Variants in LAPTM4B observed in about 807,000 individuals in gnomAD.
The protein encoded by LAPTM4B is lysosomal protein transmembrane 4 beta.
LAPTM4B carries 26 observed loss-of-function variants against 28.5 expected under a neutral mutation model. The observed-to-expected ratio is 0.91, with a 90% CI of 0.67 to 1.27. The LOEUF (loss-of-function observed/expected upper bound fraction) is 1.27, where lower values mean the gene tolerates loss of function less well. Among genes scored for constraint, LAPTM4B ranks in the 50% most tolerant of loss-of-function variants. The probability of loss-of-function intolerance (pLI) is 0.00; values close to 1 mark genes in which losing one functional copy is unlikely to be tolerated. For synonymous variants in LAPTM4B, 109 were observed against 106.4 expected (o/e 1.02, Z -0.15); for missense variants, 288 against 285.8 (o/e 1.01, Z -0.06).
chr8:97,826,038 T>G (rs1202126510), intron 6 of LAPTM4B, among the ~76,000 whole-genome samples: 1 of 152,176 alleles, frequency 6.6e-6, no homozygotes, highest in Non-Finnish European at 1.5e-5. Context: ...TTTTTTCTGG[T>G]GACTTGCTCA....
intron 6 of LAPTM4B, among the ~76,000 whole-genome samples, chr8:97,846,257 G>T (rs1311576727): frequency 1.3e-5 from 2 of 151,546 alleles, no homozygotes; most frequent in African/African-American, 4.8e-5. Context: ...AGCAACAGTA[G>T]AATTCTAAAT....
chr8:97,832,690 T>C (rs2512056), intron 6 of LAPTM4B, among the ~76,000 whole-genome samples: 4 of 42,756 alleles, frequency 9.4e-5, no homozygotes, highest in East Asian at 1.1e-3. Flanking sequence ...TATTTTATTT[T>C]ATTTTATTTT....
intron 1 of LAPTM4B, among the ~76,000 whole-genome samples, chr8:97,786,630 C>T (rs757785022): frequency 2.0e-5 from 3 of 148,488 alleles, no homozygotes; most frequent in Non-Finnish European, 3.0e-5. Context: ...ACCTGGGAGG[C>T]GGAGGTTGTG....
At chr8:97,798,245 GCTACCATGGCTAATC>G (rs1452564910) in intron 1 of LAPTM4B, among the ~76,000 whole-genome samples, 1 of 152,120 alleles carries the variant, frequency 6.6e-6, no homozygotes, top group Non-Finnish European at 1.5e-5. Context: ...GGGTTTAGTA[GCTACCATGGCTAATC>G]CTACCCCCAA....
intron 6 of LAPTM4B, among the ~76,000 whole-genome samples, chr8:97,845,072 T>C (rs1563623897): frequency 1.3e-5 from 2 of 152,292 alleles, no homozygotes; most frequent in South Asian, 2.1e-4. Flanking sequence ...TACCTTCATA[T>C]TTAAAAGTAA....
Position 97,803,010 on chromosome 8 carries a change from C to T in LAPTM4B, c.100-2343C>T, listed in dbSNP as rs1563607440. Among the ~76,000 whole-genome samples, 4 of 151,988 alleles carry T rather than the reference C, an allele frequency of 2.6e-5. No homozygotes were observed. The East Asian group carries it at 7.9e-4, about 30-fold the overall frequency. On this transcript the variant is annotated intron_variant, in intron 1 of 6. Coordinates refer to ENST00000521545, the MANE Select transcript of LAPTM4B (RefSeq NM_018407.6). ...GATCAGGAGTTCAAGACCAGCCTGA[C>T]CAAGACGGTGAAACCCCATCTCTAC... is the stretch of plus-strand genomic sequence containing the variant.
chr8:97,779,662 G>A (rs933817479), intron 1 of LAPTM4B, among the ~76,000 whole-genome samples: 2 of 150,496 alleles, frequency 1.3e-5, no homozygotes, highest in African/African-American at 2.5e-5. Context: ...GCATGCGCCT[G>A]TAATCCCAGC....
chr8:97,807,060 C>CTT (rs1001861598), intron 2 of LAPTM4B, among the ~76,000 whole-genome samples: 6 of 152,148 alleles, frequency 3.9e-5, no homozygotes, highest in Non-Finnish European at 8.8e-5. Context: ...AGTTAAACCT[C>CTT]TTTTTCTTCC....
At chr8:97,828,753 A>G (rs149075117) in intron 6 of LAPTM4B, among the ~76,000 whole-genome samples, 22 of 152,198 alleles carry the variant, frequency 1.4e-4, no homozygotes, top group Non-Finnish European at 2.9e-4. Context: ...TATATCGGTA[A>G]GGCTAGCGGA....
chr8:97,849,404 C>A (rs1370660287), intron 6 of LAPTM4B, among the ~76,000 whole-genome samples: 1 of 152,130 alleles, frequency 6.6e-6, no homozygotes, highest in Non-Finnish European at 1.5e-5. Flanking sequence ...TCAGTGGGTG[C>A]TGGTTTGTTG....
At chr8:97,790,854 C>G (rs1262193953) in intron 1 of LAPTM4B, among the ~76,000 whole-genome samples, 1 of 152,330 alleles carries the variant, frequency 6.6e-6, no homozygotes, top group East Asian at 1.9e-4. Context: ...GTTCTCGTGT[C>G]TCAACTTCCC....
chr8:97,797,283 C>T (rs1034640628), intron 1 of LAPTM4B, among the ~76,000 whole-genome samples: 8 of 151,926 alleles, frequency 5.3e-5, no homozygotes, highest in Non-Finnish European at 8.8e-5. Context: ...TACAGACATG[C>T]GCCACCACGC....
rs989718897 is a variant in LAPTM4B, at chr8:97,852,392, A to G, written c.*918A>G. The stretch of plus-strand genomic sequence containing the variant: ...TACATCCTACTGCTTTGAACTTCCA[A>G]GTATGTCTAGTCACCTTTTAAAATG... On this transcript the variant is annotated 3_prime_UTR_variant, in exon 7 of 7. Coordinates refer to ENST00000521545, the MANE Select transcript of LAPTM4B (RefSeq NM_018407.6). The G allele has an allele frequency of 3.3e-5, 5 of 152,338 alleles. No homozygotes were observed. Among genetic ancestry groups the G allele is most frequent in the African/African-American group, 1.2e-4 (5 of 41,562 alleles). The allele number at this position is 152,338 out of a possible 1,614,324, so 9.4% of individuals were successfully genotyped here.
In LAPTM4B at chr8:97,852,704, G is replaced by T. The variant is rs1179368545; in HGVS notation, c.*1230G>T. ...GCCTAAGGAGTAGGCTTTTTTTTGG[G>T]GGGGGGAGGTCGGGTGGGGGGGATT... On this transcript the variant is annotated 3_prime_UTR_variant, in exon 7 of 7. Transcript: ENST00000521545. The T allele has an allele frequency of 3.4e-5, 6 of 174,868 alleles. No homozygotes were observed. The highest frequency in any genetic ancestry group is 2.1e-4 in the East Asian group (1 of 4,756). 10.8% of individuals were successfully genotyped at this position (174,868 alleles called of 1,614,324 possible). A position where few individuals can be genotyped will look rare whatever the true frequency, so the allele number is the denominator to read the frequency against.
At chr8:97,817,019 G>GA (rs1816928548) in intron 4 of LAPTM4B, among the ~76,000 whole-genome samples, 1 of 152,172 alleles carries the variant, frequency 6.6e-6, no homozygotes, top group Non-Finnish European at 1.5e-5. Context: ...TTTGACCATA[G>GA]AATCCCTTTC....
At chr8:97,795,480 C>G (rs1323066707) in intron 1 of LAPTM4B, among the ~76,000 whole-genome samples, 1 of 152,128 alleles carries the variant, frequency 6.6e-6, no homozygotes, top group Non-Finnish European at 1.5e-5. Context: ...TATCACTAAG[C>G]AAAGACCCCT....
At chr8:97,789,282 C>G (rs890100634) in intron 1 of LAPTM4B, among the ~76,000 whole-genome samples, 4 of 151,238 alleles carry the variant, frequency 2.6e-5, no homozygotes, top group African/African-American at 9.7e-5. Context: ...ACCATGTTGG[C>G]CAGGCTGGTC....
At chr8:97,828,674 G>A (rs1349410380) in intron 6 of LAPTM4B, among the ~76,000 whole-genome samples, 3 of 152,198 alleles carry the variant, frequency 2.0e-5, no homozygotes, top group African/African-American at 7.2e-5. Context: ...AGCAGATTGA[G>A]GCCTCAGCGA....
Position 97,837,681 on chromosome 8 carries a change from A to G in LAPTM4B, c.603+12528A>G, listed in dbSNP as rs118134158. On this transcript the variant is annotated intron_variant, in intron 6 of 6. Coordinates refer to ENST00000521545, the MANE Select transcript of LAPTM4B (RefSeq NM_018407.6). Reference sequence around the variant, plus strand: ...TCCTGTACGCACCAAATTCAGGTACATTAAAAGCAGCTCACAACGAAACAG... The same window carrying G: ...TCCTGTACGCACCAAATTCAGGTACGTTAAAAGCAGCTCACAACGAAACAG... Among the ~76,000 whole-genome samples, 62 of 152,308 alleles carry G rather than the reference A, an allele frequency of 4.1e-4. No homozygotes were observed. The East Asian group carries it at 9.5e-3, about 23-fold the overall frequency.
Sources: allele counts gnomAD v4.1 joint callset (sites outside exome capture counted in the v4.1 genomes callset), GRCh38; gene constraint gnomAD v4.1.1; transcripts MANE v1.5; gene names NCBI Gene and HGNC (gene_info 2026-07-23, HGNC 2026-07-21).